CEMIP: variants seen among roughly 807,000 people sequenced by gnomAD.
CEMIP encodes cell migration-inducing and hyaluronan-binding protein.
A neutral mutation model predicts 156.9 loss-of-function variants in CEMIP; 105 were observed. The observed-to-expected ratio is 0.67, with a 90% CI of 0.57 to 0.79. The LOEUF is 0.79. Among genes scored for constraint, CEMIP ranks in the 30% least tolerant of loss-of-function variants. CEMIP has a pLI of 0.00. For missense variants in CEMIP, 1,457 were observed against 1,769.4 expected, an observed-to-expected ratio of 0.82 and a Z score of 3.17; for synonymous variants, 676 against 668.4, an observed-to-expected ratio of 1.01 and a Z score of -0.17.
chr15:80,792,340 T>C (rs1896102466), intron 1 of CEMIP, among the ~76,000 whole-genome samples: 1 of 152,224 alleles, frequency 6.6e-6, no homozygotes, highest in African/African-American at 2.4e-5. Flanking sequence ...GTCTACTTTA[T>C]ATCTTCCTTG....
At chr15:80,842,740 AAGAG>A (rs1378011128) in intron 1 of CEMIP, among the ~76,000 whole-genome samples, 1 of 152,116 alleles carries the variant, frequency 6.6e-6, no homozygotes, top group Non-Finnish European at 1.5e-5. Flanking sequence ...CTCAAAAAAA[AAGAG>A]AGAGAGAGAA....
chr15:80,904,958 A>G (rs1899731846), intron 12 of CEMIP, among the ~76,000 whole-genome samples: 1 of 152,220 alleles, frequency 6.6e-6, no homozygotes. Context: ...CACATCTTGA[A>G]TAAGATACTT....
At chr15:80,852,747 T>TG (rs1897744897) in intron 1 of CEMIP, among the ~76,000 whole-genome samples, 1 of 152,094 alleles carries the variant, frequency 6.6e-6, no homozygotes, top group Admixed American at 6.5e-5. Flanking sequence ...CCAGGTAAGG[T>TG]GGTGCTTATC....
chr15:80,849,588 A>G (rs568279391), intron 1 of CEMIP, among the ~76,000 whole-genome samples: 25 of 152,268 alleles, frequency 1.6e-4, no homozygotes, highest in African/African-American at 5.8e-4. Flanking sequence ...GCCCAGTTCC[A>G]GTTACTCGTG....
chr15:80,900,611 TG>T (rs1899455348), intron 12 of CEMIP, among the ~76,000 whole-genome samples: 1 of 138,712 alleles, frequency 7.2e-6, no homozygotes, highest in Non-Finnish European at 1.6e-5. Context: ...TGTGTGTGTG[TG>T]TGTGTGTGTG....
rs547635093 is a variant in CEMIP at position 80,894,414 on chromosome 15, T to C, written c.1087-576T>C. On this transcript the variant is annotated intron_variant, in intron 10 of 29. Transcript: ENST00000394685. ...TCATAGTTTTGCTATGAAGATGAAA[T>C]GAGATAATATAGGTAAACATCTAGC... is the stretch of plus-strand genomic sequence containing the variant. Among the ~76,000 whole-genome samples, 5 of 152,248 alleles carry C rather than the reference T, an allele frequency of 3.3e-5. No homozygotes were observed. The South Asian group carries it at 1.0e-3, about 32-fold the overall frequency.
intron 1 of CEMIP, among the ~76,000 whole-genome samples, chr15:80,865,650 CTTT>C (rs60777440): frequency 4.5e-5 from 6 of 134,532 alleles, no homozygotes; most frequent in Admixed American, 7.4e-5. Flanking sequence ...ATGCACAGCC[CTTT>C]TTTTTTTTTT....
intron 1 of CEMIP, among the ~76,000 whole-genome samples, chr15:80,808,893 G>A (rs889292982): frequency 4.6e-5 from 7 of 152,150 alleles, no homozygotes. Context: ...AATTGTCAGT[G>A]ATTTAATTGA....
intron 1 of CEMIP, among the ~76,000 whole-genome samples, chr15:80,790,976 T>C (rs984058417): frequency 4.6e-5 from 7 of 152,136 alleles, no homozygotes; most frequent in Admixed American, 1.3e-4. Context: ...GTAAACTACT[T>C]TGCTGGGGAA....
At chr15:80,935,459 C>T (rs1166230297) in intron 23 of CEMIP, among the ~76,000 whole-genome samples, 8 of 152,156 alleles carry the variant, frequency 5.3e-5, no homozygotes, top group South Asian at 2.1e-4. Context: ...TGGTTATTAA[C>T]GGTTATTCAT....
At chr15:80,805,506 G>A (rs1367038680) in intron 1 of CEMIP, among the ~76,000 whole-genome samples, 2 of 152,178 alleles carry the variant, frequency 1.3e-5, no homozygotes, top group African/African-American at 4.8e-5. Flanking sequence ...TGGTTACCGT[G>A]TGGTTAGGAA....
chr15:80,882,351 G>C (rs1429144867), intron 6 of CEMIP, among the ~76,000 whole-genome samples: 1 of 152,230 alleles, frequency 6.6e-6, no homozygotes, highest in Non-Finnish European at 1.5e-5. Flanking sequence ...AAAGCACTGA[G>C]GCTCACAGGG....
intron 1 of CEMIP, among the ~76,000 whole-genome samples, chr15:80,800,021 A>ATGTTTGTGTGTGTGTGTG (rs1286940522): frequency 8.0e-6 from 1 of 124,784 alleles, no homozygotes. Flanking sequence ...AGCTAATTTT[A>ATGTTTGTGTGTGTGTGTG]TGTGTGTGTG....
intron 1 of CEMIP, among the ~76,000 whole-genome samples, chr15:80,838,098 C>A (rs933963529): frequency 3.1e-4 from 47 of 152,208 alleles, no homozygotes; most frequent in African/African-American, 1.1e-3. Context: ...CTTGTCCAGA[C>A]CCTGACCTGC....
intron 12 of CEMIP, among the ~76,000 whole-genome samples, chr15:80,900,504 C>T (rs1313676617): frequency 6.6e-6 from 1 of 151,924 alleles, no homozygotes; most frequent in Non-Finnish European, 1.5e-5. Flanking sequence ...GCAGCCACCT[C>T]CTTTGCCCTG....
chr15:80,895,798 A>G (rs919885153), intron 11 of CEMIP, 71 bp from the exon 12 acceptor site: 2 of 1,446,398 alleles, frequency 1.4e-6, no homozygotes, highest in African/African-American at 1.4e-5. Context: ...AGGGGAAGGG[A>G]AAAAAGAGGT....
intron 1 of CEMIP, among the ~76,000 whole-genome samples, chr15:80,854,306 G>A (rs1257132710): frequency 1.3e-5 from 2 of 152,262 alleles, no homozygotes; most frequent in Non-Finnish European, 2.9e-5. Flanking sequence ...GCCTGAGGCG[G>A]GGGCTCTTCT....
intron 19 of CEMIP, among the ~76,000 whole-genome samples, chr15:80,926,055 G>A (rs945912942): frequency 6.6e-6 from 1 of 152,218 alleles, no homozygotes; most frequent in Non-Finnish European, 1.5e-5. Context: ...AGCTAAGGGA[G>A]GGAAGAAGAA....
At chr15:80,943,327 G>A (rs996833075) in intron 28 of CEMIP, among the ~76,000 whole-genome samples, 1 of 152,208 alleles carries the variant, frequency 6.6e-6, no homozygotes, top group Admixed American at 6.5e-5. Flanking sequence ...GGAGGCAGGC[G>A]GGACAGCCCC....
Sources: gnomAD v4.1 joint callset for allele counts (sites outside exome capture counted in the v4.1 genomes callset) on GRCh38, gnomAD v4.1.1 for gene constraint, MANE v1.5 for transcripts, NCBI Gene and HGNC (gene_info 2026-07-23, HGNC 2026-07-21) for gene names.